Variants in TECTA observed in about 807,000 individuals in gnomAD.
TECTA encodes the protein alpha-tectorin.
A neutral mutation model predicts 216.8 loss-of-function variants in TECTA; 128 were observed. The observed-to-expected ratio is 0.59, with a 90% CI of 0.51 to 0.68. The LOEUF is 0.68. Ranked by LOEUF, TECTA falls within the 30% of genes least tolerant of loss-of-function variation. TECTA has a pLI of 0.00. For synonymous variants in TECTA, 1,089 were observed against 1,117.1 expected (o/e 0.97, Z 0.50); for missense variants, 2,551 against 2,786.2 (o/e 0.92, Z 1.90).
intron 20 of TECTA, among the ~76,000 whole-genome samples, chr11:121,178,390 T>G (rs750918703): frequency 2.6e-5 from 4 of 152,238 alleles, no homozygotes; most frequent in Non-Finnish European, 5.9e-5. Flanking sequence ...TATTGAAACA[T>G]TCTTGCATCC....
At chr11:121,140,521 C>A (rs539351515) in intron 11 of TECTA, among the ~76,000 whole-genome samples, 2 of 152,298 alleles carry the variant, frequency 1.3e-5, no homozygotes, top group Admixed American at 1.3e-4. Context: ...TTATTAAGGG[C>A]TGCCATAATG....
chr11:121,146,196 A>G, intron 12 of TECTA, 80 bp downstream of exon 12: 3 of 1,537,108 alleles, frequency 2.0e-6, no homozygotes, highest in Non-Finnish European at 2.7e-6. Context: ...CCAACTCCCT[A>G]GAAGTCAGAG....
At chr11:121,179,148 T>C (rs955453095) in intron 20 of TECTA, among the ~76,000 whole-genome samples, 3 of 152,156 alleles carry the variant, frequency 2.0e-5, no homozygotes, top group Non-Finnish European at 4.4e-5. Context: ...TTTCTACTTT[T>C]TTGATGTAGG....
intron 19 of TECTA, chr11:121,168,446 T>C: frequency 3.6e-6 from 3 of 835,416 alleles, no homozygotes; most frequent in Non-Finnish European, 3.7e-6. Context: ...GCTCAGCACT[T>C]GAAATGTGGC....
chr11:121,116,243 G>A (rs935351844), intron 6 of TECTA, among the ~76,000 whole-genome samples: 3 of 152,130 alleles, frequency 2.0e-5, no homozygotes, highest in African/African-American at 4.8e-5. Flanking sequence ...GTGTAAATAC[G>A]GCATCACTTA....
Position 121,130,207 on chromosome 11 carries a change from C to A in TECTA, c.2937C>A (p.Phe979Leu). The A allele has an allele frequency of 6.2e-7, 1 of 1,600,132 alleles. No homozygotes were observed. The highest frequency in any genetic ancestry group is 8.5e-7 in the Non-Finnish European group (1 of 1,179,914). The change falls in exon 10 of 24, where the codon TTC becomes TTA. Residue 979 changes from phenylalanine to leucine, a missense_variant. This residue lies in a region of TECTA where 2,375 missense variants were observed against 2,563.9 expected (regional missense o/e 0.93). Coordinates refer to ENST00000392793, the MANE Select transcript of TECTA (RefSeq NM_005422.4). Reference protein sequence around the residue: ...VEVGPWRTYDFCPLECPENSH... With the variant: ...VEVGPWRTYDLCPLECPENSH... ...TGGGGCCCTGGCGGACCTATGACTT[C>A]TGCCGTAAGTTGGGGTTGGATTCTG...
chr11:121,120,280 C>T (rs755753205), intron 7 of TECTA, among the ~76,000 whole-genome samples: 13 of 152,106 alleles, frequency 8.5e-5, no homozygotes, highest in East Asian at 3.8e-4. Flanking sequence ...TTTTCTGTAG[C>T]GACAGGGCGA....
chr11:121,109,529 C>T (rs373874901), intron 4 of TECTA, 31 bp downstream of exon 4: 554 of 1,612,622 alleles, frequency 3.4e-4, no homozygotes, highest in Non-Finnish European at 4.5e-4. Context: ...CTTTCCACTT[C>T]ATAACCTGAC....
rs773767998 is a variant in TECTA, at chr11:121,118,482, G to A, written c.967G>A (p.Val323Met). ...YCSAVETSTC[V>M]VFGEPHYHTF... is the part of the protein sequence containing the mutation. The stretch of plus-strand genomic sequence containing the variant: ...CAGCGCTGTGGAGACCAGCACATGC[G>A]TGGTGTTTGGGGAGCCACACTACCA... The change falls in exon 7 of 24, where the codon GTG (valine) becomes ATG (methionine). Residue 323 changes from valine to methionine, a missense_variant. Coordinates refer to ENST00000392793, the MANE Select transcript of TECTA (RefSeq NM_005422.4). 18 of 1,614,048 alleles carry A rather than the reference G, an allele frequency of 1.1e-5. No individual in the cohort carries two copies. Among genetic ancestry groups the A allele is most frequent in the African/African-American group, 5.3e-5 (4 of 74,912 alleles).
rs727503460 is a variant in TECTA at position 121,130,009 on chromosome 11, C to T, written c.2739C>T (p.Gly913=). The T allele has an allele frequency of 1.2e-5, 20 of 1,608,370 alleles. No homozygotes were observed. The highest frequency in any genetic ancestry group is 5.0e-5 in the Admixed American group (3 of 59,672). ...LKFYRSRSRC[G]IINDPSNSSF... ...TTTATCGAAGCCGCTCCAGGTGCGG[C>T]ATCATCAACGACCCCTCCAACAGCT... Residue 913 remains glycine, a synonymous_variant, in exon 10 of 24, where the codon GGC becomes GGT. Coordinates refer to ENST00000392793, the MANE Select transcript of TECTA (RefSeq NM_005422.4).
At chr11:121,182,686 T>TG (rs1339232073) in intron 20 of TECTA, among the ~76,000 whole-genome samples, 4 of 151,726 alleles carry the variant, frequency 2.6e-5, no homozygotes, top group African/African-American at 7.3e-5. Flanking sequence ...TGTTAGTGGA[T>TG]GGGGCAGGTT....
Position 121,125,813 on chromosome 11 carries a change from C to G in TECTA, c.1715C>G (p.Ala572Gly), listed in dbSNP as rs772636065. The G allele has an allele frequency of 3.1e-6, 5 of 1,613,762 alleles. No individual in the cohort carries two copies. The highest frequency in any genetic ancestry group is 4.2e-6 in the Non-Finnish European group (5 of 1,180,044). ...TLLCQAIQAY[A>G]LVCQALGIPI... Reference sequence around the variant, plus strand: ...CTCTGCCAAGCCATCCAGGCCTATGCTCTTGTGTGCCAAGCCCTTGGCATT... The same window carrying G: ...CTCTGCCAAGCCATCCAGGCCTATGGTCTTGTGTGCCAAGCCCTTGGCATT... The change falls in exon 8 of 24, where the codon GCT becomes GGT. Residue 572 changes from alanine (A) to glycine (G), a missense_variant. By Grantham distance (60) the Ala-to-Gly change is moderately conservative. This residue lies in a region of TECTA where 2,375 missense variants were observed against 2,563.9 expected (regional missense o/e 0.93). Transcript: ENST00000392793.
intron 20 of TECTA, among the ~76,000 whole-genome samples, chr11:121,179,116 T>TAA (rs1441674417): frequency 2.0e-5 from 3 of 152,144 alleles, no homozygotes; most frequent in Admixed American, 2.0e-4. Flanking sequence ...ATATTTTTCC[T>TAA]TCTACTAATT....
At position 121,146,127 on chromosome 11, in the gene TECTA, C is replaced by T. The variant is rs1464210094; in HGVS notation, c.4105+11C>T. The T allele has an allele frequency of 6.2e-7, 1 of 1,603,840 alleles. No homozygotes were observed. Among genetic ancestry groups the T allele is most frequent in the South Asian group, 1.1e-5 (1 of 91,050 alleles). On this transcript the variant is annotated intron_variant, in intron 12 of 23. Coordinates refer to ENST00000392793, the MANE Select transcript of TECTA (RefSeq NM_005422.4). ...ATTACACGTCCTGCAGTGAGTCCTT[C>T]TCGTTGTCCCTCCTTGTAGCTTCTC...
chr11:121,134,662 G>T (rs999713804), intron 10 of TECTA, among the ~76,000 whole-genome samples: 5 of 151,718 alleles, frequency 3.3e-5, no homozygotes, highest in Admixed American at 6.6e-5. Flanking sequence ...CCCACATTGA[G>T]CCTCCCAGTT....
Position 121,168,858 on chromosome 11 carries a change from A to C in TECTA, c.5932A>C (p.Asn1978His). The change falls in exon 20 of 24, where the codon AAC becomes CAC. Residue 1978 changes from asparagine (N) to histidine (H), a missense_variant. Asn to His is a moderately conservative substitution (Grantham distance 68). Transcript: ENST00000392793. ...ADATHLILTL[N>H]KCYATPTRDS... The stretch of plus-strand genomic sequence containing the variant: ...CGCCACACATTTAATCCTAACACTC[A>C]ACAAATGCTATGCCACACCCACCCG... 1 of 1,614,182 alleles carries C rather than the reference A, an allele frequency of 6.2e-7. No homozygotes were observed. Among genetic ancestry groups the C allele is most frequent in the Non-Finnish European group, 8.5e-7 (1 of 1,180,024 alleles).
At position 121,189,100 on chromosome 11, in the gene TECTA, G is replaced by A. The variant is rs948665047; in HGVS notation, c.6183G>A (p.Arg2061=). The change falls in exon 22 of 24, where the codon AGG becomes AGA. Residue 2061 remains arginine (R), a synonymous_variant. Coordinates refer to ENST00000392793, the MANE Select transcript of TECTA (RefSeq NM_005422.4). ...TGCAGACTTGCCCACACAATTCCAG[G>A]ATTGCCACAGATTACACAAAAGAGC... ...SCKITCPHNS[R]IATDYTKEPK... The A allele has an allele frequency of 3.0e-5, 49 of 1,614,012 alleles. No homozygotes were observed. Among genetic ancestry groups the A allele is most frequent in the Non-Finnish European group, 3.7e-5 (44 of 1,180,026 alleles).
intron 21 of TECTA, 86 bp from the exon 22 acceptor site, chr11:121,188,994 C>G: frequency 7.2e-7 from 1 of 1,396,596 alleles, no homozygotes; most frequent in Non-Finnish European, 1.0e-6. Context: ...GCCAGAGCCA[C>G]TGCCTCTTTT....
chr11:121,122,240 G>A (rs1406337940), intron 7 of TECTA, among the ~76,000 whole-genome samples: 1 of 152,122 alleles, frequency 6.6e-6, no homozygotes, highest in Non-Finnish European at 1.5e-5. Context: ...ATGTCATGAG[G>A]GTGGAGCCCT....
Sources: allele counts gnomAD v4.1 joint callset (sites outside exome capture counted in the v4.1 genomes callset), GRCh38; gene constraint gnomAD v4.1.1; regional missense constraint gnomAD v4.1.1; transcripts MANE v1.5; gene names NCBI Gene and HGNC (gene_info 2026-07-23, HGNC 2026-07-21).